The following NAA30 variants were observed in gnomAD, a reference collection of about 807,000 sequenced individuals.
The protein encoded by NAA30 is N-alpha-acetyltransferase 30, NatC catalytic subunit.
NAA30 carries 5 observed loss-of-function variants against 31.4 expected under a neutral mutation model. The ratio of observed to expected loss-of-function variants is 0.16; its 90% CI spans 0.08 to 0.33. The LOEUF is 0.33. Ranked by LOEUF, NAA30 falls within the 10% of genes least tolerant of loss-of-function variation. The pLI is 1.00. For synonymous variants in NAA30, 222 were observed against 207.1 expected (o/e 1.07, Z -0.62); for missense variants, 428 against 490.8 (o/e 0.87, Z 1.21).
Position 57,414,539 on chromosome 14 carries a change from C to T in NAA30, c.*5023C>T, listed in dbSNP as rs1244008216. On this transcript the variant is annotated 3_prime_UTR_variant, in exon 5 of 5. Coordinates refer to ENST00000556492, the MANE Select transcript of NAA30 (RefSeq NM_001011713.3). ...ATTTTTGATGAATTTGAAATCATTT[C>T]ACTTCTAAATGAGATTGGTCATCTC... is the stretch of plus-strand genomic sequence containing the variant. 6.6e-6 allele frequency: 1 copy of T among 152,160 alleles called. No homozygotes were observed. Among genetic ancestry groups the T allele is most frequent in the African/African-American group, 2.4e-5 (1 of 41,422 alleles). The allele number at this position is 152,160 out of a possible 1,614,324, so 9.4% of individuals were successfully genotyped here.
At chr14:57,400,962 C>G (rs1047288995) in intron 4 of NAA30, among the ~76,000 whole-genome samples, 2 of 151,492 alleles carry the variant, frequency 1.3e-5, no homozygotes, top group Non-Finnish European at 2.9e-5. Context: ...CACTCCAGCT[C>G]CTGGCCTCAG....
rs932293329 is a variant in NAA30 at position 57,391,301 on chromosome 14, C to T, written c.344C>T (p.Thr115Ile). The change falls in exon 2 of 5, where the codon ACA becomes ATA. Residue 115 changes from threonine to isoleucine, a missense_variant. Around this residue, in one of 2 missense-constraint regions of NAA30, gnomAD observed 349 missense variants for 310.4 expected, o/e 1.12. Coordinates refer to ENST00000556492, the MANE Select transcript of NAA30 (RefSeq NM_001011713.3). The surrounding 1 kb of genome is among the most constrained non-coding windows in gnomAD (Gnocchi z 4.1). ...VLSVAEVAAT[T>I]ATPDGGPRAT... ...AGCGTAGCAGAGGTGGCCGCGACCA[C>T]AGCCACCCCTGACGGAGGCCCCAGA... 35 of 1,610,592 alleles carry T rather than the reference C, an allele frequency of 2.2e-5. No homozygotes were observed. The highest frequency in any genetic ancestry group is 3.0e-5 in the Non-Finnish European group (35 of 1,178,952).
At chr14:57,390,886 C>A in intron 1 of NAA30, 71 bp from the exon 2 acceptor site, 2 of 1,425,950 alleles carry the variant, frequency 1.4e-6, no homozygotes, top group Admixed American at 2.9e-5. Context: ...GCCCCCCATC[C>A]GTCGCCCCCT....
At chr14:57,402,350 T>G (rs1459054119) in intron 4 of NAA30, among the ~76,000 whole-genome samples, 1 of 152,240 alleles carries the variant, frequency 6.6e-6, no homozygotes, top group Non-Finnish European at 1.5e-5. Context: ...CAGAGATGCC[T>G]TCTCTTGTTT....
Position 57,414,238 on chromosome 14 carries a change from TTAAAA to T in NAA30, c.*4726_*4730del, listed in dbSNP as rs2066537411. The T allele has an allele frequency of 6.6e-6, 1 of 152,200 alleles. No homozygotes were observed. The highest frequency in any genetic ancestry group is 1.5e-5 in the Non-Finnish European group (1 of 68,044). The allele number at this position is 152,200 out of a possible 1,614,324, so 9.4% of individuals were successfully genotyped here. A position where few individuals can be genotyped will look rare whatever the true frequency, so the allele number is the denominator to read the frequency against. On this transcript the variant is annotated 3_prime_UTR_variant, in exon 5 of 5. Transcript: ENST00000556492. ...AGCAAGACTGTTTCTGAAAAATCTT[TTAAAA>T]TAACACAACTAAAAATTACCTCTGA...
chr14:57,404,342 T>G (rs1300885067), intron 4 of NAA30, among the ~76,000 whole-genome samples: 1 of 150,992 alleles, frequency 6.6e-6, no homozygotes, highest in African/African-American at 2.4e-5. Context: ...ACAAAAAGAG[T>G]TTTTAGGTCG....
chr14:57,390,842 G>A, intron 1 of NAA30, 115 bp from the exon 2 acceptor site: 2 of 1,023,818 alleles, frequency 2.0e-6, no homozygotes, highest in Non-Finnish European at 2.7e-6. Context: ...CTCCGTGAGG[G>A]ACGGTTTCTG....
At chr14:57,404,195 G>T (rs1280809547) in intron 4 of NAA30, among the ~76,000 whole-genome samples, 1 of 152,078 alleles carries the variant, frequency 6.6e-6, no homozygotes, top group African/African-American at 2.4e-5. Flanking sequence ...GGTGGTGCGT[G>T]CCTGTAATCC....
Position 57,391,821 on chromosome 14 carries a change from T to G in NAA30, c.771+93T>G. ...GGCCCAGAATGTGGCAGTGGATATCTCCTGCTGCGTATCATAGTACGTTAT... is the reference window on the plus strand; with the variant it reads ...GGCCCAGAATGTGGCAGTGGATATCGCCTGCTGCGTATCATAGTACGTTAT... On this transcript the variant is annotated intron_variant, in intron 2 of 4. Coordinates refer to ENST00000556492, the MANE Select transcript of NAA30 (RefSeq NM_001011713.3). This position sits in a 1 kb window ranked among gnomAD's most constrained non-coding sequence, Gnocchi z 4.1. 2 of 888,042 alleles carry G rather than the reference T, an allele frequency of 2.3e-6. No individual in the cohort carries two copies. Among genetic ancestry groups the G allele is most frequent in the Admixed American group, 4.5e-5 (2 of 44,160 alleles). The allele number at this position is 888,042 out of a possible 1,614,324, so 55.0% of individuals were successfully genotyped here.
intron 2 of NAA30, among the ~76,000 whole-genome samples, chr14:57,395,817 T>C (rs142487022): frequency 1.3e-5 from 2 of 152,306 alleles, no homozygotes; most frequent in East Asian, 3.9e-4. Flanking sequence ...CACTTACATA[T>C]ATTAACAAAA....
Position 57,410,597 on chromosome 14 carries a change from A to G in NAA30, c.*1081A>G, listed in dbSNP as rs1050493693. On this transcript the variant is annotated 3_prime_UTR_variant, in exon 5 of 5. Coordinates refer to ENST00000556492, the MANE Select transcript of NAA30 (RefSeq NM_001011713.3). ...TTCTTGGTCTTGGAAATAAATTTCA[A>G]GGTGCATTGTATCCATTTTAAGCTG... is the stretch of plus-strand genomic sequence containing the variant. 19 of 152,166 alleles carry G rather than the reference A, an allele frequency of 1.2e-4. No individual in the cohort carries two copies. Among genetic ancestry groups the G allele is most frequent in the African/African-American group, 4.6e-4 (19 of 41,428 alleles). The allele number at this position is 152,166 out of a possible 1,614,324, so 9.4% of individuals were successfully genotyped here.
chr14:57,411,085 C>T lies in NAA30; in HGVS notation c.*1569C>T. Reference sequence around the variant, plus strand: ...CTTTTTTTTTTTTTTTAAAGGAAAGCTGCTCTTTGCTCAGTATAGTGTTTT... The same window carrying T: ...CTTTTTTTTTTTTTTTAAAGGAAAGTTGCTCTTTGCTCAGTATAGTGTTTT... On this transcript the variant is annotated 3_prime_UTR_variant, in exon 5 of 5. Transcript: ENST00000556492. 1 of 149,468 alleles carries T rather than the reference C, an allele frequency of 6.7e-6. No homozygotes were observed. Among genetic ancestry groups the T allele is most frequent in the East Asian group, 1.9e-4 (1 of 5,144 alleles). 9.3% of individuals were successfully genotyped at this position (149,468 alleles called of 1,614,324 possible).
intron 3 of NAA30, among the ~76,000 whole-genome samples, 165 bp from the exon 4 acceptor site, chr14:57,399,663 C>T (rs1465296223): frequency 6.6e-6 from 1 of 152,206 alleles, no homozygotes. Flanking sequence ...GTTGGCTTCT[C>T]TTAGCTTATA....
intron 4 of NAA30, among the ~76,000 whole-genome samples, chr14:57,405,754 G>GTGCCA (rs1200540953): frequency 6.6e-6 from 1 of 152,208 alleles, no homozygotes; most frequent in East Asian, 1.9e-4. Flanking sequence ...GGGCTTCTAG[G>GTGCCA]TGCCAGACAG....
rs1434780613 is a variant in NAA30, at chr14:57,399,886, A to G, written c.951+3A>G. On this transcript the variant is annotated splice_donor_region_variant and intron_variant, in intron 4 of 4. Coordinates refer to ENST00000556492, the MANE Select transcript of NAA30 (RefSeq NM_001011713.3). ...TGGTTGAGGGAGACTGTGATGAGGTAAGTCTTTAAAAATGTTTAATATTTT... is the reference window on the plus strand; with the variant it reads ...TGGTTGAGGGAGACTGTGATGAGGTGAGTCTTTAAAAATGTTTAATATTTT... The G allele has an allele frequency of 1.4e-6, 2 of 1,456,706 alleles. No individual in the cohort carries two copies. The highest frequency in any genetic ancestry group is 1.4e-5 in the African/African-American group (1 of 72,020). The allele number at this position is 1,456,706 out of a possible 1,614,324, so 90.2% of individuals were successfully genotyped here.
At chr14:57,397,876 C>T (rs1281583207) in intron 3 of NAA30, among the ~76,000 whole-genome samples, 1 of 152,070 alleles carries the variant, frequency 6.6e-6, no homozygotes, top group Non-Finnish European at 1.5e-5. Flanking sequence ...AGTGAGCGTG[C>T]CACTGCACTC....
intron 2 of NAA30, among the ~76,000 whole-genome samples, chr14:57,396,208 C>T (rs1321404801): frequency 6.6e-6 from 1 of 152,160 alleles, no homozygotes; most frequent in African/African-American, 2.4e-5. Flanking sequence ...CCCCTGAGCT[C>T]AAGCAATCTG....
At chr14:57,399,513 C>CT (rs1438043617) in intron 3 of NAA30, among the ~76,000 whole-genome samples, 2 of 152,316 alleles carry the variant, frequency 1.3e-5, no homozygotes, top group Admixed American at 1.3e-4. Flanking sequence ...CATATCTTGT[C>CT]TTTTTCTCTT....
chr14:57,391,306 A>C lies in NAA30; in HGVS notation c.349A>C (p.Thr117Pro). 1 of 1,610,830 alleles carries C rather than the reference A, an allele frequency of 6.2e-7. No homozygotes were observed. The highest frequency in any genetic ancestry group is 8.5e-7 in the Non-Finnish European group (1 of 1,179,010). The change falls in exon 2 of 5, where the codon ACC becomes CCC. Residue 117 changes from threonine to proline, a missense_variant. Physicochemically the swap from Thr to Pro is conservative, Grantham distance 38 (BLOSUM62 -1). This residue lies in a region of NAA30 where 349 missense variants were observed against 310.4 expected (regional missense o/e 1.12). Transcript: ENST00000556492. The surrounding 1 kb of genome is among the most constrained non-coding windows in gnomAD (Gnocchi z 4.1). ...SVAEVAATTATPDGGPRATAT... is the reference protein window; with the variant it reads ...SVAEVAATTAPPDGGPRATAT... ...AGCAGAGGTGGCCGCGACCACAGCCACCCCTGACGGAGGCCCCAGAGCGAC... is the reference window on the plus strand; with the variant it reads ...AGCAGAGGTGGCCGCGACCACAGCCCCCCCTGACGGAGGCCCCAGAGCGAC...
Sources: allele counts gnomAD v4.1 joint callset (sites outside exome capture counted in the v4.1 genomes callset), GRCh38; gene constraint gnomAD v4.1.1; regional missense constraint gnomAD v4.1.1; non-coding constraint Gnocchi (gnomAD v3.1); transcripts MANE v1.5; gene names NCBI Gene and HGNC (gene_info 2026-07-23, HGNC 2026-07-21).